VWF: variants seen among roughly 807,000 people sequenced by gnomAD.
VWF encodes the protein von Willebrand factor.
In VWF, 176 loss-of-function variants were observed where a neutral mutation model predicts 308.6. The observed-to-expected ratio is 0.57, with a 90% confidence interval of 0.50 to 0.65. VWF has a LOEUF of 0.65. Among genes scored for constraint, VWF ranks in the 30% least tolerant of loss-of-function variants. The pLI, the probability that VWF is intolerant of heterozygous loss-of-function variation, is 0.00. For synonymous variants in VWF, 1,385 were observed against 1,443.4 expected (o/e 0.96, Z 0.92); for missense variants, 3,146 against 3,648.2 (o/e 0.86, Z 3.55).
chr12:5,966,179 T>G (rs1202678680), intron 47 of VWF, among the ~76,000 whole-genome samples: 2 of 151,982 alleles, frequency 1.3e-5, no homozygotes, highest in African/African-American at 4.8e-5. Context: ...TGGACTTCAG[T>G]GGACATCCCA....
chr12:5,988,891 CA>C (rs34220049), intron 38 of VWF, among the ~76,000 whole-genome samples: 25,096 of 152,184 alleles, frequency 0.16, 2,631 homozygotes, highest in South Asian at 0.23. Flanking sequence ...ATGAAGGTGA[CA>C]AAAGATCGGC....
intron 8 of VWF, 67 bp downstream of exon 8, chr12:6,073,552 C>G (rs915986394): frequency 6.2e-7 from 1 of 1,610,952 alleles, no homozygotes. Context: ...TGGCCTTCAT[C>G]TCACTTCCCA....
At chr12:6,082,838 T>A (rs1000725795) in intron 6 of VWF, among the ~76,000 whole-genome samples, 3 of 152,242 alleles carry the variant, frequency 2.0e-5, no homozygotes, top group Non-Finnish European at 4.4e-5. Flanking sequence ...GTTTTTCTTT[T>A]AACACTAGTG....
At position 6,018,671 on chromosome 12, in the gene VWF, G is replaced by T; in HGVS notation, c.4747C>A (p.Arg1583=). ...AAGAAGCTGTGGTCAGAGAGGTACCGCAGGGCCAGCCCAGTGTTGGTCCTG... is the reference window on the plus strand; with the variant it reads ...AAGAAGCTGTGGTCAGAGAGGTACCTCAGGGCCAGCCCAGTGTTGGTCCTG... ...GNRTNTGLAL[R]YLSDHSFLVS... The change falls in exon 28 of 52, where the codon CGG becomes AGG. Residue 1583 remains arginine (R), a synonymous_variant. Transcript: ENST00000261405. 3 of 1,613,756 alleles carry T rather than the reference G, an allele frequency of 1.9e-6. No homozygotes were observed. Among genetic ancestry groups the T allele is most frequent in the Non-Finnish European group, 2.5e-6 (3 of 1,179,820 alleles).
At chr12:6,051,600 C>G (rs1163609604) in intron 16 of VWF, among the ~76,000 whole-genome samples, 1 of 152,078 alleles carries the variant, frequency 6.6e-6, no homozygotes. Context: ...ACTGGTCTTC[C>G]CTAGTAGACT....
chr12:6,056,585 T>C (rs1944581017), intron 15 of VWF, among the ~76,000 whole-genome samples: 1 of 152,116 alleles, frequency 6.6e-6, no homozygotes, highest in Admixed American at 6.5e-5. Context: ...ACCCAAGCTT[T>C]GCAGGGACCC....
At chr12:5,997,859 A>G (rs748601003) in intron 34 of VWF, among the ~76,000 whole-genome samples, 2 of 152,228 alleles carry the variant, frequency 1.3e-5, no homozygotes, top group Non-Finnish European at 2.9e-5. Context: ...TCCAATGTTC[A>G]GGACATAGAG....
At chr12:5,960,477 C>T (rs1436873925) in intron 47 of VWF, among the ~76,000 whole-genome samples, 1 of 152,130 alleles carries the variant, frequency 6.6e-6, no homozygotes, top group African/African-American at 2.4e-5. Context: ...GAAAACACCA[C>T]CATATTTTGT....
At chr12:5,967,427 C>G in intron 47 of VWF, 59 bp downstream of exon 47, 1 of 1,417,990 alleles carries the variant, frequency 7.1e-7, no homozygotes, top group Non-Finnish European at 1.0e-6. Flanking sequence ...TGAGGTCCCA[C>G]TGCCTGGGTC....
At chr12:6,115,477 GACAC>G (rs149823006) in intron 3 of VWF, among the ~76,000 whole-genome samples, 1 of 151,772 alleles carries the variant, frequency 6.6e-6, no homozygotes, top group African/African-American at 2.4e-5. Flanking sequence ...TATGACTCAG[GACAC>G]ACACACACAC....
In VWF at chr12:5,996,078, C is replaced by T. The variant is rs1720670567; in HGVS notation, c.5987G>A (p.Gly1996Glu). ...VILHNGACSP[G>E]ARQGCMKSIE... is the part of the protein sequence containing the mutation. Reference sequence around the variant, plus strand: ...GGATTTCATGCAGCCCTGCCTTGCTCCAGGGCTGCAGGCACCATTATGGAG... The same window carrying T: ...GGATTTCATGCAGCCCTGCCTTGCTTCAGGGCTGCAGGCACCATTATGGAG... Residue 1996 changes from glycine (G) to glutamate (E), a missense_variant, in exon 35 of 52, where the codon GGA becomes GAA. Physicochemically the swap from Gly to Glu is moderately conservative, Grantham distance 98 (BLOSUM62 -2). Coordinates refer to ENST00000261405, the MANE Select transcript of VWF (RefSeq NM_000552.5). The T allele has an allele frequency of 1.9e-6, 3 of 1,614,016 alleles. No individual in the cohort carries two copies. Among genetic ancestry groups the T allele is most frequent in the Non-Finnish European group, 2.5e-6 (3 of 1,180,010 alleles).
chr12:5,997,051 T>C (rs1209758489), intron 34 of VWF, among the ~76,000 whole-genome samples: 1 of 152,050 alleles, frequency 6.6e-6, no homozygotes, highest in Non-Finnish European at 1.5e-5. Context: ...ACAGATTCGG[T>C]GGAGCAGGGA....
intron 42 of VWF, among the ~76,000 whole-genome samples, chr12:5,978,380 A>G (rs967808956): frequency 6.6e-6 from 1 of 152,176 alleles, no homozygotes; most frequent in East Asian, 1.9e-4. Context: ...CTCCTGCTTC[A>G]GCCTACAGAG....
intron 14 of VWF, 43 bp downstream of exon 14, chr12:6,057,798 GGAGACCTC>G (rs1565847316): frequency 6.4e-7 from 1 of 1,555,008 alleles, no homozygotes; most frequent in South Asian, 1.2e-5. Context: ...GCACTAATGT[GGAGACCTC>G]GAGATTCTGC....
chr12:6,107,624 A>C (rs1455236188), intron 5 of VWF, among the ~76,000 whole-genome samples: 1 of 152,224 alleles, frequency 6.6e-6, no homozygotes, highest in Non-Finnish European at 1.5e-5. Flanking sequence ...GAGTCATTAC[A>C]TTAAAGGAAC....
rs141556358 is a variant in VWF at position 6,011,071 on chromosome 12, G to A, written c.5842+546C>T. Among the ~76,000 whole-genome samples the A allele has an allele frequency of 6.4e-4, 97 of 152,290 alleles. 1 individual carries two copies. The East Asian group carries it at 0.017, about 26-fold the overall frequency. The stretch of plus-strand genomic sequence containing the variant: ...TTCAGCATAAAGGTTACAATCCACT[G>A]CTGAGTCATGGTCACCATAAGCAGT... On this transcript the variant is annotated intron_variant, in intron 34 of 51. Transcript: ENST00000261405.
At chr12:5,962,377 A>C (rs989322920) in intron 47 of VWF, among the ~76,000 whole-genome samples, 4 of 152,144 alleles carry the variant, frequency 2.6e-5, no homozygotes, top group African/African-American at 9.7e-5. Context: ...TTAAATACCC[A>C]AAACAATCTT....
chr12:6,107,957 C>A (rs1012397830), intron 5 of VWF, among the ~76,000 whole-genome samples: 1 of 151,796 alleles, frequency 6.6e-6, no homozygotes, highest in African/African-American at 2.4e-5. Context: ...CGCACCCAGC[C>A]GAAAGATTCA....
At chr12:6,066,813 A>G (rs1403666274) in intron 10 of VWF, among the ~76,000 whole-genome samples, 1 of 152,250 alleles carries the variant, frequency 6.6e-6, no homozygotes, top group African/African-American at 2.4e-5. Context: ...TCATGCTCGC[A>G]TGTGCCCTGA....
Sources: gnomAD v4.1 joint callset for allele counts (sites outside exome capture counted in the v4.1 genomes callset) on GRCh38, gnomAD v4.1.1 for gene constraint, MANE v1.5 for transcripts, NCBI Gene and HGNC (gene_info 2026-07-23, HGNC 2026-07-21) for gene names.